Variants in TULP4 observed in about 807,000 individuals in gnomAD.
The protein encoded by TULP4 is tubby-related protein 4.
TULP4 carries 16 observed loss-of-function variants against 129.0 expected under a neutral mutation model. That is an observed-to-expected ratio of 0.12 (90% CI 0.08 to 0.19). The LOEUF (loss-of-function observed/expected upper bound fraction) is 0.19. Among genes scored for constraint, TULP4 ranks in the 10% least tolerant of loss-of-function variants. The probability of loss-of-function intolerance (pLI) is 1.00; values close to 1 mark genes in which losing one functional copy is unlikely to be tolerated. For synonymous variants in TULP4, 998 were observed against 854.0 expected, an observed-to-expected ratio of 1.17 and a Z score of -2.94; for missense variants, 1,842 against 2,059.1, an observed-to-expected ratio of 0.89 and a Z score of 2.04.
chr6:158,233,556 C>G (rs1488904499), intron 1 of TULP4, among the ~76,000 whole-genome samples: 1 of 152,150 alleles, frequency 6.6e-6, no homozygotes, highest in Non-Finnish European at 1.5e-5. Flanking sequence ...CCCCGGGCTC[C>G]GCAGCGCCAG....
chr6:158,355,790 C>T (rs1245707734), intron 1 of TULP4, among the ~76,000 whole-genome samples: 1 of 152,176 alleles, frequency 6.6e-6, no homozygotes, highest in East Asian at 1.9e-4. Flanking sequence ...CCCATATGAA[C>T]AATACAAACG....
At chr6:158,358,526 A>G (rs1014122789) in intron 1 of TULP4, among the ~76,000 whole-genome samples, 2 of 152,192 alleles carry the variant, frequency 1.3e-5, no homozygotes, top group African/African-American at 4.8e-5. Context: ...TCTCAGTGTC[A>G]CTGTGCATAA....
At position 158,489,692 on chromosome 6, in the gene TULP4, C is replaced by T. The variant is rs139803752; in HGVS notation, c.1591C>T (p.Pro531Ser). The T allele has an allele frequency of 3.8e-5, 62 of 1,614,054 alleles. No homozygotes were observed. The African/African-American group carries it at 7.6e-4, about 20-fold the overall frequency. The change falls in exon 9 of 14, where the codon CCC (proline) becomes TCC (serine). Residue 531 changes from proline to serine, a missense_variant. Physicochemically the swap from Pro to Ser is moderately conservative, Grantham distance 74 (BLOSUM62 -1). Coordinates refer to ENST00000367097, the MANE Select transcript of TULP4 (RefSeq NM_020245.5). ...TGATGACTGGGCTGCCAAGAAATCT[C>T]CCAAAATCTCCAGAGCTAGCAAATC... ...LSDDWAAKKS[P>S]KISRASKSPK...
At chr6:158,403,433 G>C (rs989766212) in intron 1 of TULP4, among the ~76,000 whole-genome samples, 4 of 152,074 alleles carry the variant, frequency 2.6e-5, no homozygotes, top group African/African-American at 9.7e-5. Context: ...TCCGCCTCTC[G>C]GGTTCAAGCG....
chr6:158,322,799 C>T (rs975114475), intron 1 of TULP4, among the ~76,000 whole-genome samples: 2 of 152,166 alleles, frequency 1.3e-5, no homozygotes, highest in East Asian at 1.9e-4. Flanking sequence ...ATGGAATCTA[C>T]AGTCTAGCAT....
intron 1 of TULP4, among the ~76,000 whole-genome samples, chr6:158,285,054 G>T (rs1310285659): frequency 6.6e-6 from 1 of 152,030 alleles, no homozygotes; most frequent in African/African-American, 2.4e-5. Context: ...GATTCTCAAG[G>T]TCTTTGATTG....
chr6:158,309,025 C>T (rs1239585094), upstream of TULP4, among the ~76,000 whole-genome samples: 5 of 125,264 alleles, frequency 4.0e-5, no homozygotes, highest in Admixed American at 7.7e-5. Flanking sequence ...GCTGGCCTGG[C>T]GGGGGCTGAC....
At position 158,413,248 on chromosome 6, in the gene TULP4, G is replaced by A; in HGVS notation, c.381+55G>A. 6.4e-7 allele frequency: 1 copy of A among 1,555,842 alleles called. No homozygotes were observed. The highest frequency in any genetic ancestry group is 8.7e-7 in the Non-Finnish European group (1 of 1,144,872). ...AGGGCTGCGGGGTAGAGGACTCCCA[G>A]ACAGGCATTCCGGAGCCAGTGCGTT... On this transcript the variant is annotated intron_variant, in intron 2 of 13. Transcript: ENST00000367097. The surrounding 1 kb of genome is among the most constrained non-coding windows in gnomAD (Gnocchi z 4.9).
chr6:158,309,757 G>A (rs945339650), upstream of TULP4, among the ~76,000 whole-genome samples: 4 of 151,356 alleles, frequency 2.6e-5, no homozygotes, highest in East Asian at 3.9e-4. Context: ...CAGGCGTGGC[G>A]GCGCGCCTGC....
At chr6:158,427,060 A>G (rs1778510621) in intron 2 of TULP4, among the ~76,000 whole-genome samples, 3 of 152,104 alleles carry the variant, frequency 2.0e-5, no homozygotes, top group East Asian at 1.9e-4. Context: ...TGATTTTTGT[A>G]TGTTGATTTC....
chr6:158,379,753 G>T (rs1173697022), intron 1 of TULP4, among the ~76,000 whole-genome samples: 1 of 152,124 alleles, frequency 6.6e-6, no homozygotes, highest in Non-Finnish European at 1.5e-5. Context: ...AGGGGAGGGG[G>T]ACCTGGGAGA....
At chr6:158,424,474 T>C (rs1778429368) in intron 2 of TULP4, among the ~76,000 whole-genome samples, 1 of 152,094 alleles carries the variant, frequency 6.6e-6, no homozygotes, top group Non-Finnish European at 1.5e-5. Flanking sequence ...GGTCTTGAAC[T>C]CCTGACCTCA....
intron 1 of TULP4, among the ~76,000 whole-genome samples, chr6:158,274,942 C>G (rs900993562): frequency 1.3e-5 from 2 of 152,242 alleles, no homozygotes; most frequent in African/African-American, 4.8e-5. Context: ...TCTTGTTAGC[C>G]TTTTATTGAT....
At chr6:158,419,200 A>G (rs1778280886) in intron 2 of TULP4, among the ~76,000 whole-genome samples, 1 of 152,238 alleles carries the variant, frequency 6.6e-6, no homozygotes, top group Non-Finnish European at 1.5e-5. Flanking sequence ...TGCCATTGTC[A>G]TGATAGAGAC....
upstream of TULP4, among the ~76,000 whole-genome samples, chr6:158,279,473 TTC>T (rs1234843223): frequency 4.6e-5 from 7 of 152,344 alleles, no homozygotes; most frequent in African/African-American, 1.7e-4. Context: ...GACGGTAATA[TTC>T]TGTTTGACAC....
At chr6:158,399,110 G>A (rs1267905898) in intron 1 of TULP4, among the ~76,000 whole-genome samples, 1 of 152,192 alleles carries the variant, frequency 6.6e-6, no homozygotes, top group East Asian at 1.9e-4. Flanking sequence ...AAATCCTAAT[G>A]TAGTGAGGAG....
At chr6:158,424,638 G>C (rs1479569190) in intron 2 of TULP4, among the ~76,000 whole-genome samples, 4 of 152,024 alleles carry the variant, frequency 2.6e-5, no homozygotes, top group Non-Finnish European at 5.9e-5. Flanking sequence ...ATTATTTAGG[G>C]GTAATGACAA....
chr6:158,321,094 T>A (rs572308520), intron 1 of TULP4, among the ~76,000 whole-genome samples: 2 of 152,304 alleles, frequency 1.3e-5, no homozygotes, highest in East Asian at 3.9e-4. Flanking sequence ...TCAGTGTGCT[T>A]TCTTTCCTTA....
chr6:158,501,970 C>A lies in TULP4; in HGVS notation c.2307C>A (p.Asn769Lys), dbSNP rs1246702119. Residue 769 changes from asparagine (N) to lysine (K), a missense_variant, in exon 13 of 14, where the codon AAC becomes AAA. Around this residue, in one of 5 missense-constraint regions of TULP4, gnomAD observed 1,089 missense variants for 987.1 expected, o/e 1.10. Coordinates refer to ENST00000367097, the MANE Select transcript of TULP4 (RefSeq NM_020245.5). ...TGGAAATGGGCCGCATCATTCAGAACCCCCCTCCACTGTCCCTGCCTCCCC... is the reference window on the plus strand; with the variant it reads ...TGGAAATGGGCCGCATCATTCAGAAACCCCCTCCACTGTCCCTGCCTCCCC... ...GSVEMGRIIQ[N>K]PPPLSLPPPP... is the part of the protein sequence containing the mutation. 1.9e-6 allele frequency: 3 copies of A among 1,613,244 alleles called. No individual in the cohort carries two copies. The highest frequency in any genetic ancestry group is 1.3e-5 in the African/African-American group (1 of 74,758).
Sources: allele counts gnomAD v4.1 joint callset (sites outside exome capture counted in the v4.1 genomes callset), GRCh38; gene constraint gnomAD v4.1.1; regional missense constraint gnomAD v4.1.1; non-coding constraint Gnocchi (gnomAD v3.1); transcripts MANE v1.5; gene names NCBI Gene and HGNC (gene_info 2026-07-23, HGNC 2026-07-21).